The following ZEB1 variants were observed in gnomAD, a reference collection of about 807,000 sequenced individuals.
ZEB1 encodes zinc finger E-box binding homeobox 1, also known as zinc finger E-box-binding homeobox 1.
Under a neutral mutation model 84.9 loss-of-function variants are expected in ZEB1, and 21 were observed. That is an observed-to-expected ratio of 0.25 (90% CI 0.18 to 0.36). The LOEUF is 0.36. Among genes scored for constraint, ZEB1 ranks in the 10% least tolerant of loss-of-function variants. The pLI is 1.00. For missense variants in ZEB1, 1,104 were observed against 1,330.2 expected (o/e 0.83, Z 2.65); for synonymous variants, 420 against 471.1 (o/e 0.89, Z 1.41).
chr10:31,511,677 G>T (rs985128394), intron 5 of ZEB1, among the ~76,000 whole-genome samples: 7 of 152,090 alleles, frequency 4.6e-5, no homozygotes, highest in African/African-American at 1.7e-4. Flanking sequence ...GTTGGGGTTA[G>T]GCCACATTTC....
intron 6 of ZEB1, among the ~76,000 whole-genome samples, chr10:31,515,983 G>C (rs1460974356): frequency 6.6e-6 from 1 of 152,006 alleles, no homozygotes; most frequent in Non-Finnish European, 1.5e-5. Flanking sequence ...CTAACAGTAA[G>C]ATTCATGTAT....
chr10:31,331,834 A>G (rs79075459), intron 1 of ZEB1, among the ~76,000 whole-genome samples: 4,892 of 152,256 alleles, frequency 0.032, 243 homozygotes, highest in African/African-American at 0.11. Context: ...GAATGGCTAG[A>G]GATGAGGCTG....
At chr10:31,485,611 A>C (rs975783022) in intron 2 of ZEB1, among the ~76,000 whole-genome samples, 16 of 151,914 alleles carry the variant, frequency 1.1e-4, no homozygotes, top group Admixed American at 1.3e-4. Flanking sequence ...AGTTTTAAAA[A>C]TCTGTAAACA....
chr10:31,325,578 C>T (rs967125140), intron 1 of ZEB1, among the ~76,000 whole-genome samples: 27 of 152,010 alleles, frequency 1.8e-4, no homozygotes, highest in African/African-American at 6.0e-4. Flanking sequence ...ACCTTCATCT[C>T]TTTTGCAGTA....
At chr10:31,440,743 G>A (rs1281525797) in intron 1 of ZEB1, among the ~76,000 whole-genome samples, 2 of 152,148 alleles carry the variant, frequency 1.3e-5, no homozygotes, top group Admixed American at 6.5e-5. Context: ...AAAATCACAA[G>A]CATTCTTATA....
chr10:31,411,049 T>C (rs2054146171), intron 1 of ZEB1, among the ~76,000 whole-genome samples: 1 of 152,212 alleles, frequency 6.6e-6, no homozygotes. Context: ...TTTGAATTTG[T>C]TTGCTCTTGC....
At chr10:31,418,327 A>G (rs1441397246) in intron 1 of ZEB1, among the ~76,000 whole-genome samples, 1 of 151,948 alleles carries the variant, frequency 6.6e-6, no homozygotes, top group Non-Finnish European at 1.5e-5. Flanking sequence ...CAAAACACCA[A>G]GGGGAGTTGG....
chr10:31,421,948 T>C (rs2056232184), intron 1 of ZEB1, among the ~76,000 whole-genome samples: 1 of 152,016 alleles, frequency 6.6e-6, no homozygotes, highest in Non-Finnish European at 1.5e-5. Flanking sequence ...CCCCGCTGAT[T>C]TCAAGTGACC....
At chr10:31,397,155 G>GT (rs898067735) in intron 1 of ZEB1, among the ~76,000 whole-genome samples, 2 of 121,472 alleles carry the variant, frequency 1.6e-5, no homozygotes, top group Admixed American at 8.4e-5. Context: ...TTCATCTTGG[G>GT]TTTTTTATTA....
Position 31,481,415 on chromosome 10 carries a change from G to A in ZEB1, c.260-14361G>A, listed in dbSNP as rs574303467. Among the ~76,000 whole-genome samples the A allele has an allele frequency of 5.3e-5, 8 of 152,138 alleles. No individual in the cohort carries two copies. The South Asian group carries it at 1.7e-3, about 32-fold the overall frequency. ...TTTAAATACCATTCTCCAGTAGAAG[G>A]TACTATGCCGCCTTGGAGAAATGGC... On this transcript the variant is annotated intron_variant, in intron 2 of 8. Coordinates refer to ENST00000424869, the MANE Select transcript of ZEB1 (RefSeq NM_001174096.2).
chr10:31,521,781 G>C lies in ZEB1; in HGVS notation c.2449G>C (p.Ala817Pro). ...TVTAQLPTIV[A>P]IADQNSVPCL... ...CACTGCCCAGTTACCCACAATCGTG[G>C]CCATTGCTGACCAGAACAGTGTTCC... The change falls in exon 7 of 9, where the codon GCC becomes CCC. Residue 817 changes from alanine (A) to proline (P), a missense_variant. Physicochemically the swap from Ala to Pro is conservative, Grantham distance 27. This residue lies in a region of ZEB1 where 531 missense variants were observed against 575.2 expected (regional missense o/e 0.92). Transcript: ENST00000424869. The C allele has an allele frequency of 6.2e-7, 1 of 1,613,944 alleles. No individual in the cohort carries two copies. The highest frequency in any genetic ancestry group is 8.5e-7 in the Non-Finnish European group (1 of 1,179,970).
intron 4 of ZEB1, among the ~76,000 whole-genome samples, chr10:31,508,084 C>T (rs1239739059): frequency 4.6e-5 from 7 of 152,082 alleles, no homozygotes; most frequent in African/African-American, 7.2e-5. Context: ...GTGATTTCCT[C>T]GTTGGCTTAG....
Position 31,446,889 on chromosome 10 carries a change from T to G in ZEB1, c.59-14148T>G, listed in dbSNP as rs370485418. Among the ~76,000 whole-genome samples the G allele has an allele frequency of 8.7e-4, 133 of 152,002 alleles. 3 individuals are homozygous for G. The South Asian group carries it at 0.017, about 19-fold the overall frequency. On this transcript the variant is annotated intron_variant, in intron 1 of 8. Transcript: ENST00000424869. ...TGGTGCTGAAAAAAATGTATATTCT[T>G]TTGATTTGGGGTGGAGAGTTCTGTA...
At chr10:31,501,296 T>C (rs1009006224) in intron 3 of ZEB1, among the ~76,000 whole-genome samples, 1 of 152,182 alleles carries the variant, frequency 6.6e-6, no homozygotes, top group Non-Finnish European at 1.5e-5. Flanking sequence ...AGGAAAACCA[T>C]AGTGCAGCAA....
At chr10:31,476,355 C>T (rs918387950) in intron 2 of ZEB1, among the ~76,000 whole-genome samples, 2 of 151,742 alleles carry the variant, frequency 1.3e-5, no homozygotes, top group Non-Finnish European at 2.9e-5. Context: ...AACTAGATAA[C>T]CTAGAAGAAA....
At chr10:31,423,669 C>T (rs916122002) in intron 1 of ZEB1, among the ~76,000 whole-genome samples, 7 of 152,030 alleles carry the variant, frequency 4.6e-5, no homozygotes, top group Admixed American at 1.3e-4. Context: ...TATCTATAAG[C>T]GGCTAGTTGT....
intron 1 of ZEB1, among the ~76,000 whole-genome samples, chr10:31,427,807 C>T (rs369822996): frequency 9.7e-4 from 144 of 149,062 alleles, no homozygotes; most frequent in African/African-American, 3.0e-3. Flanking sequence ...TGCAGTGAGC[C>T]GAGATTGCGC....
intron 1 of ZEB1, among the ~76,000 whole-genome samples, chr10:31,335,720 A>G (rs146940372): frequency 6.6e-6 from 1 of 152,294 alleles, no homozygotes; most frequent in African/African-American, 2.4e-5. Context: ...TCAAAGGACA[A>G]GTGTGCCTGC....
chr10:31,385,621 G>C (rs1442724153), intron 1 of ZEB1, among the ~76,000 whole-genome samples: 1 of 151,522 alleles, frequency 6.6e-6, no homozygotes, highest in Non-Finnish European at 1.5e-5. Flanking sequence ...CCACCTCCCA[G>C]GTTCAAGCAG....
Sources: allele counts gnomAD v4.1 joint callset (sites outside exome capture counted in the v4.1 genomes callset), GRCh38; gene constraint gnomAD v4.1.1; regional missense constraint gnomAD v4.1.1; transcripts MANE v1.5; gene names NCBI Gene and HGNC (gene_info 2026-07-23, HGNC 2026-07-21).